Variants in ABLIM2 observed in about 807,000 individuals in gnomAD.
The protein encoded by ABLIM2 is actin binding LIM protein family member 2.
Under a neutral mutation model 97.7 loss-of-function variants are expected in ABLIM2, and 53 were observed. The ratio of observed to expected loss-of-function variants is 0.54; its 90% CI spans 0.44 to 0.68. The LOEUF (loss-of-function observed/expected upper bound fraction) is 0.68. ABLIM2 is among the 30% of genes least tolerant of loss of function. ABLIM2 has a pLI of 0.00. For synonymous variants in ABLIM2, 361 were observed against 345.8 expected, an observed-to-expected ratio of 1.04 and a Z score of -0.49; for missense variants, 835 against 867.2, an observed-to-expected ratio of 0.96 and a Z score of 0.47.
intron 1 of ABLIM2, among the ~76,000 whole-genome samples, chr4:8,154,937 C>G (rs1274470313): frequency 1.3e-5 from 2 of 152,212 alleles, no homozygotes; most frequent in Non-Finnish European, 2.9e-5. Flanking sequence ...TGGCAGCAGG[C>G]AAGAGAGCGT....
At chr4:8,088,358 G>A in intron 3 of ABLIM2, 74 bp from the exon 4 acceptor site, 1 of 1,193,456 alleles carries the variant, frequency 8.4e-7, no homozygotes, top group Non-Finnish European at 1.2e-6. Flanking sequence ...TCCCAGTGCA[G>A]GAGACCAGGG....
chr4:8,007,728 C>T (rs1762327407), intron 16 of ABLIM2: 1 of 1,094,288 alleles, frequency 9.1e-7, no homozygotes, highest in Non-Finnish European at 1.1e-6. Context: ...GGAACAGGCC[C>T]TGACTTCCAC....
chr4:8,154,158 T>G (rs1185997140), intron 1 of ABLIM2, among the ~76,000 whole-genome samples: 1 of 151,782 alleles, frequency 6.6e-6, no homozygotes, highest in East Asian at 1.9e-4. Flanking sequence ...GAGATGGGGT[T>G]TCACTGTGTT....
chr4:8,148,069 T>C lies in ABLIM2; in HGVS notation c.10+10611A>G, dbSNP rs1453068890. On this transcript the variant is annotated intron_variant, in intron 1 of 20. Transcript: ENST00000447017. This position sits in a 1 kb window ranked among gnomAD's most constrained non-coding sequence, Gnocchi z 6.7. ...GCCCAGGTGGGCAGGCAACAAGGGA[T>C]AGTGGCCCGACCTTGCTGGGGGAGA... Among the ~76,000 whole-genome samples, 1 of 152,146 alleles carries C rather than the reference T, an allele frequency of 6.6e-6. No individual in the cohort carries two copies. The highest frequency in any genetic ancestry group is 2.4e-5 in the African/African-American group (1 of 41,426).
intron 1 of ABLIM2, among the ~76,000 whole-genome samples, chr4:8,131,752 C>T (rs1364193392): frequency 1.1e-4 from 10 of 93,632 alleles, no homozygotes; most frequent in African/African-American, 4.3e-4. Context: ...CACAGCAGCC[C>T]GCATCCCTGA....
At chr4:8,062,698 CAA>C (rs1804147945) in intron 6 of ABLIM2, among the ~76,000 whole-genome samples, 1 of 152,160 alleles carries the variant, frequency 6.6e-6, no homozygotes, top group Admixed American at 6.5e-5. Context: ...CTCAGCCTCC[CAA>C]AGTGTTGGGA....
intron 1 of ABLIM2, among the ~76,000 whole-genome samples, chr4:8,121,944 C>T (rs1397477465): frequency 6.6e-6 from 1 of 152,194 alleles, no homozygotes; most frequent in African/African-American, 2.4e-5. Context: ...GCACCGGACC[C>T]AGACCTGCCC....
rs553862537 is a variant in ABLIM2, at chr4:8,083,980, G to C, written c.455-3178C>G. On this transcript the variant is annotated intron_variant, in intron 4 of 20. Transcript: ENST00000447017. The surrounding 1 kb of genome is among the most constrained non-coding windows in gnomAD (Gnocchi z 4.6). ...TGGAGCCTCAGCTGGAGCTCAGGGG[G>C]TGCAGGTGCAGGAGCCAGACCCCCT... Among the ~76,000 whole-genome samples the C allele has an allele frequency of 1.1e-4, 16 of 152,080 alleles. No individual in the cohort carries two copies. The highest frequency in any genetic ancestry group is 3.9e-4 in the African/African-American group (16 of 41,400).
chr4:8,109,621 C>T (rs1044258578), intron 1 of ABLIM2, among the ~76,000 whole-genome samples: 8 of 152,202 alleles, frequency 5.3e-5, no homozygotes, highest in African/African-American at 1.4e-4. Context: ...GACAGGACAG[C>T]GCAAAGGAGG....
intron 1 of ABLIM2, among the ~76,000 whole-genome samples, chr4:8,145,893 A>C (rs1479874682): frequency 3.3e-5 from 5 of 152,030 alleles, no homozygotes; most frequent in Admixed American, 1.3e-4. Context: ...GGACCTGGCC[A>C]GCCGCCGGGG....
At chr4:8,142,774 G>A (rs1236028890) in intron 1 of ABLIM2, among the ~76,000 whole-genome samples, 2 of 152,204 alleles carry the variant, frequency 1.3e-5, no homozygotes, top group Non-Finnish European at 2.9e-5. Context: ...TCCTGCAATT[G>A]TGCAGCACCA....
chr4:8,141,014 G>A (rs1287819838), intron 1 of ABLIM2, among the ~76,000 whole-genome samples: 2 of 152,060 alleles, frequency 1.3e-5, no homozygotes, highest in East Asian at 3.9e-4. Context: ...GGTGGACCCT[G>A]CCCCTGTCTC....
At chr4:7,987,955 G>A (rs374345044) in intron 17 of ABLIM2, among the ~76,000 whole-genome samples, 7 of 152,158 alleles carry the variant, frequency 4.6e-5, no homozygotes, top group East Asian at 3.9e-4. Context: ...ACTCCCCTAC[G>A]CCGCTCAGTG....
Position 8,019,645 on chromosome 4 carries a change from T to C in ABLIM2, c.1396A>G (p.Arg466Gly). The change falls in exon 14 of 21, where the codon AGG becomes GGG. Residue 466 changes from arginine to glycine, a missense_variant. Arg to Gly is a moderately radical substitution (Grantham distance 125). Transcript: ENST00000447017. The surrounding 1 kb of genome is among the most constrained non-coding windows in gnomAD (Gnocchi z 4.3). The stretch of plus-strand genomic sequence containing the variant: ...TGCTGTCTGTAGATAGGGGGTTTCC[T>C]ATAGATGTTATCTTTTACGCCAGTG... Reference protein sequence around the residue: ...PDTGVKDNIYRKPPIYRQHAA... With the variant: ...PDTGVKDNIYGKPPIYRQHAA... 2 of 1,612,548 alleles carry C rather than the reference T, an allele frequency of 1.2e-6. No homozygotes were observed. The highest frequency in any genetic ancestry group is 1.7e-6 in the Non-Finnish European group (2 of 1,179,430).
chr4:8,028,440 CACTT>C (rs1399081015), intron 11 of ABLIM2, among the ~76,000 whole-genome samples: 1 of 152,192 alleles, frequency 6.6e-6, no homozygotes, highest in Non-Finnish European at 1.5e-5. Context: ...TTCATTCACT[CACTT>C]ACTTGCTCAC....
chr4:8,069,843 CGTGT>C lies in ABLIM2; in HGVS notation c.675+7781_675+7784del, dbSNP rs561597447. Among the ~76,000 whole-genome samples, 135 of 151,066 alleles carry C rather than the reference CGTGT, an allele frequency of 8.9e-4. No homozygotes were observed. Among genetic ancestry groups the C allele is most frequent in the African/African-American group, 3.1e-3 (126 of 41,116 alleles). Reference sequence around the variant, plus strand: ...TCTGTGTGTACGTGTCTGTGGGTGCCGTGTGTGTTTTCTGTGTGTCTGCGTTGTC... The same window carrying C: ...TCTGTGTGTACGTGTCTGTGGGTGCCGTGTTTTCTGTGTGTCTGCGTTGTC... On this transcript the variant is annotated intron_variant, in intron 6 of 20. Coordinates refer to ENST00000447017, the MANE Select transcript of ABLIM2 (RefSeq NM_001130083.2). The surrounding 1 kb of genome is among the most constrained non-coding windows in gnomAD (Gnocchi z 4.2).
At position 7,980,941 on chromosome 4, in the gene ABLIM2, A is replaced by ATCTTTTTTTTTTTTTTTTTT. The variant is rs1483414043; in HGVS notation, c.1824+2322_1824+2323insAAAAAAAAAAAAAAAAAAGA. ...AGAACCATGGTCTCCACAACCCCTT[A>ATCTTTTTTTTTTTTTTTTTT]TTTTTTTTTTTTTTTTTTTTGAGAT... is the stretch of plus-strand genomic sequence containing the variant. On this transcript the variant is annotated intron_variant, in intron 20 of 20. Transcript: ENST00000447017. Among the ~76,000 whole-genome samples, 26 of 82,988 alleles carry ATCTTTTTTTTTTTTTTTTTT rather than the reference A, an allele frequency of 3.1e-4. 3 individuals are homozygous for ATCTTTTTTTTTTTTTTTTTT. The highest frequency in any genetic ancestry group is 9.4e-4 in the African/African-American group (17 of 18,110). The allele number at this position is 82,988 out of a possible 152,430, so 54.4% of individuals were successfully genotyped here. A position where few individuals can be genotyped will look rare whatever the true frequency, so the allele number is the denominator to read the frequency against.
intron 1 of ABLIM2, among the ~76,000 whole-genome samples, chr4:8,152,440 C>G (rs530426573): frequency 3.9e-5 from 6 of 152,230 alleles, no homozygotes; most frequent in Middle Eastern, 3.2e-3. Flanking sequence ...GAAACCTATA[C>G]GAGCATCTGG....
At chr4:8,107,725 G>A (rs999374803) in intron 1 of ABLIM2, among the ~76,000 whole-genome samples, 6 of 152,168 alleles carry the variant, frequency 3.9e-5, no homozygotes, top group African/African-American at 1.2e-4. Flanking sequence ...TCTAATCCCC[G>A]GAACCTGTGC....
Sources: allele counts gnomAD v4.1 joint callset (sites outside exome capture counted in the v4.1 genomes callset), GRCh38; gene constraint gnomAD v4.1.1; non-coding constraint Gnocchi (gnomAD v3.1); transcripts MANE v1.5; gene names NCBI Gene and HGNC (gene_info 2026-07-23, HGNC 2026-07-21).